The following LRMDA variants were observed in gnomAD, a reference collection of about 807,000 sequenced individuals.
LRMDA encodes leucine rich melanocyte differentiation associated.
In LRMDA, 18 loss-of-function variants were observed where a neutral mutation model predicts 29.8. That is an observed-to-expected ratio of 0.60 (90% CI 0.42 to 0.90). LRMDA has a LOEUF of 0.90. LRMDA is among the 40% of genes least tolerant of loss of function. LRMDA has a pLI of 0.00. For synonymous variants in LRMDA, 125 were observed against 109.4 expected (o/e 1.14, Z -0.89); for missense variants, 273 against 273.9 (o/e 1.00, Z 0.02).
At chr10:76,339,627 A>G (rs1841012543) in intron 6 of LRMDA, among the ~76,000 whole-genome samples, 1 of 152,090 alleles carries the variant, frequency 6.6e-6, no homozygotes. Flanking sequence ...GATATTTAAG[A>G]AAAAGGTGAG....
At chr10:76,240,942 T>C (rs1451196393) in intron 5 of LRMDA, among the ~76,000 whole-genome samples, 5 of 151,696 alleles carry the variant, frequency 3.3e-5, no homozygotes, top group Admixed American at 2.0e-4. Flanking sequence ...TAAAAAGGAA[T>C]GAAATAATGG....
intron 2 of LRMDA, among the ~76,000 whole-genome samples, chr10:75,677,241 G>T (rs1354031034): frequency 2.6e-5 from 4 of 152,160 alleles, no homozygotes; most frequent in Non-Finnish European, 5.9e-5. Flanking sequence ...AGACTAAGAA[G>T]AGGCTTAGAT....
chr10:76,263,525 T>C (rs1281777878), intron 5 of LRMDA, among the ~76,000 whole-genome samples: 3 of 152,182 alleles, frequency 2.0e-5, no homozygotes, highest in Non-Finnish European at 4.4e-5. Context: ...TATTTCTCCA[T>C]AGCACATTAC....
intron 5 of LRMDA, among the ~76,000 whole-genome samples, chr10:76,272,314 C>T (rs7080137): frequency 0.066 from 10,063 of 152,200 alleles, 898 homozygotes; most frequent in African/African-American, 0.21. Context: ...CCACATGGGA[C>T]TTGTATGGGG....
intron 5 of LRMDA, among the ~76,000 whole-genome samples, chr10:76,272,052 A>T (rs576406766): frequency 1.3e-4 from 20 of 152,306 alleles, no homozygotes; most frequent in South Asian, 6.2e-4. Context: ...GAGATCCATG[A>T]AGGAATAGGG....
chr10:75,472,509 A>G (rs1230618028), intron 2 of LRMDA, among the ~76,000 whole-genome samples: 1 of 152,212 alleles, frequency 6.6e-6, no homozygotes, highest in African/African-American at 2.4e-5. Context: ...AATGGCAGGG[A>G]CAATTTCTTT....
intron 5 of LRMDA, among the ~76,000 whole-genome samples, chr10:76,156,236 C>A (rs996015093): frequency 6.6e-6 from 1 of 152,176 alleles, no homozygotes; most frequent in Non-Finnish European, 1.5e-5. Context: ...CAGCAACCAG[C>A]AGTCTCCAAG....
chr10:75,720,205 A>C lies in LRMDA; in HGVS notation c.131+281711A>C, dbSNP rs529343672. The stretch of plus-strand genomic sequence containing the variant: ...GAGACGGCACATCAAATCTTAGTAA[A>C]ATAAGAAAATTATATACATGGGAAG... On this transcript the variant is annotated intron_variant, in intron 2 of 6. Transcript: ENST00000611255. 2.0e-4 allele frequency among the ~76,000 whole-genome samples: 30 copies of C among 152,324 alleles called. No homozygotes were observed. In the East Asian group the frequency reaches 2.3e-3, roughly 12 times the overall value.
intron 2 of LRMDA, among the ~76,000 whole-genome samples, chr10:75,954,229 C>G (rs61862124): frequency 6.6e-6 from 1 of 152,140 alleles, no homozygotes; most frequent in African/African-American, 2.4e-5. Context: ...GGGACTAACA[C>G]CTTGATTTTG....
chr10:75,769,420 A>G (rs1843209347), intron 2 of LRMDA, among the ~76,000 whole-genome samples: 2 of 152,212 alleles, frequency 1.3e-5, no homozygotes, highest in African/African-American at 2.4e-5. Context: ...GAATGCTCCT[A>G]TTCAAACCAC....
chr10:76,292,826 C>A (rs1260930776), intron 5 of LRMDA, among the ~76,000 whole-genome samples: 2 of 151,932 alleles, frequency 1.3e-5, no homozygotes, highest in Admixed American at 1.3e-4. Flanking sequence ...TCATACTATC[C>A]CAATTGGGCA....
chr10:75,960,831 G>A (rs1846751819), intron 2 of LRMDA, among the ~76,000 whole-genome samples: 1 of 151,976 alleles, frequency 6.6e-6, no homozygotes, highest in Non-Finnish European at 1.5e-5. Flanking sequence ...TAGCCAGGAT[G>A]GTGTGGATCT....
chr10:76,419,221 C>CT, intron 6 of LRMDA, among the ~76,000 whole-genome samples: 1 of 152,128 alleles, frequency 6.6e-6, no homozygotes, highest in African/African-American at 2.4e-5. Flanking sequence ...CCCTGAAAAT[C>CT]TTTTTTGCTT....
intron 6 of LRMDA, among the ~76,000 whole-genome samples, chr10:76,472,113 C>T (rs1842624037): frequency 6.6e-6 from 1 of 151,728 alleles, no homozygotes; most frequent in African/African-American, 2.4e-5. Flanking sequence ...CCAGCAACAT[C>T]AGAATGCACA....
intron 5 of LRMDA, among the ~76,000 whole-genome samples, chr10:76,156,817 T>G (rs887465266): frequency 3.9e-5 from 6 of 152,186 alleles, no homozygotes; most frequent in African/African-American, 1.2e-4. Flanking sequence ...GGAGAGCAGG[T>G]AAGATCAGAT....
At chr10:76,358,805 G>C (rs1841274011) in intron 6 of LRMDA, among the ~76,000 whole-genome samples, 1 of 152,226 alleles carries the variant, frequency 6.6e-6, no homozygotes, top group Non-Finnish European at 1.5e-5. Context: ...GGGTTGAGTA[G>C]GACTTACATG....
intron 2 of LRMDA, among the ~76,000 whole-genome samples, chr10:75,698,617 T>C (rs937531586): frequency 1.7e-5 from 2 of 119,074 alleles, no homozygotes; most frequent in Non-Finnish European, 3.8e-5. Context: ...CACCTTCACC[T>C]CTTTTTTTTT....
At chr10:76,041,485 A>G (rs886981326) in intron 3 of LRMDA, among the ~76,000 whole-genome samples, 3 of 152,246 alleles carry the variant, frequency 2.0e-5, no homozygotes, top group African/African-American at 7.2e-5. Context: ...AAAATGAGGT[A>G]TGTCATTATG....
chr10:75,914,272 T>C (rs1346784574), intron 2 of LRMDA, among the ~76,000 whole-genome samples: 1 of 152,252 alleles, frequency 6.6e-6, no homozygotes, highest in African/African-American at 2.4e-5. Flanking sequence ...AGCTTCCAGC[T>C]GTTGAAATGG....
Sources: gnomAD v4.1 joint callset for allele counts (sites outside exome capture counted in the v4.1 genomes callset) on GRCh38, gnomAD v4.1.1 for gene constraint, MANE v1.5 for transcripts, NCBI Gene and HGNC (gene_info 2026-07-23, HGNC 2026-07-21) for gene names.